The following ITPR2 variants were observed in gnomAD, a reference collection of about 807,000 sequenced individuals.
ITPR2 encodes the protein inositol 1,4,5-trisphosphate-gated calcium channel ITPR2.
Under a neutral mutation model 317.1 loss-of-function variants are expected in ITPR2, and 207 were observed. That is an observed-to-expected ratio of 0.65 (90% confidence interval 0.58 to 0.73). The LOEUF is 0.73. ITPR2 is among the 30% of genes least tolerant of loss of function. The pLI, the probability that ITPR2 is intolerant of heterozygous loss-of-function variation, is 0.00. For missense variants in ITPR2, 2,613 were observed against 3,284.0 expected, an observed-to-expected ratio of 0.80 and a Z score of 4.99; for synonymous variants, 1,156 against 1,149.1, an observed-to-expected ratio of 1.01 and a Z score of -0.12.
intron 55 of ITPR2, among the ~76,000 whole-genome samples, chr12:26,383,544 C>T (rs565738914): frequency 5.3e-5 from 8 of 151,864 alleles, no homozygotes; most frequent in South Asian, 2.1e-4. Flanking sequence ...AGGGCAGTGG[C>T]GTGATCTCGG....
At chr12:26,819,794 T>C (rs1020571324) in intron 1 of ITPR2, among the ~76,000 whole-genome samples, 2 of 150,726 alleles carry the variant, frequency 1.3e-5, no homozygotes, top group Non-Finnish European at 3.0e-5. Flanking sequence ...AAGTCAGGTG[T>C]GGTAGCTCAC....
chr12:26,768,282 G>A (rs865871020), intron 2 of ITPR2, among the ~76,000 whole-genome samples: 1 of 131,174 alleles, frequency 7.6e-6, no homozygotes. Flanking sequence ...GGGGAAGGGG[G>A]AGGGATAGCA....
intron 55 of ITPR2, among the ~76,000 whole-genome samples, chr12:26,348,857 G>A (rs1314764432): frequency 6.6e-6 from 1 of 151,968 alleles, no homozygotes; most frequent in Non-Finnish European, 1.5e-5. Context: ...GTGTGGTGGT[G>A]CACACCTATA....
At chr12:26,576,540 G>A (rs1437602588) in intron 34 of ITPR2, among the ~76,000 whole-genome samples, 5 of 152,196 alleles carry the variant, frequency 3.3e-5, no homozygotes, top group Non-Finnish European at 2.9e-5. Flanking sequence ...TGGGTAAGAT[G>A]TGCAAAAGAG....
chr12:26,620,593 TA>T (rs1223254427), intron 26 of ITPR2, among the ~76,000 whole-genome samples: 1 of 152,206 alleles, frequency 6.6e-6, no homozygotes, highest in African/African-American at 2.4e-5. Flanking sequence ...AAACAGCAAC[TA>T]ATTAACACAC....
At chr12:26,442,385 C>T (rs1315167976) in intron 46 of ITPR2, among the ~76,000 whole-genome samples, 4 of 152,112 alleles carry the variant, frequency 2.6e-5, no homozygotes, top group African/African-American at 9.7e-5. Context: ...GCTCAGTAAA[C>T]ATGTACTGAA....
chr12:26,650,546 GATAA>G lies in ITPR2; in HGVS notation c.2740+3426_2740+3429del, dbSNP rs140519904. Among the ~76,000 whole-genome samples, 1,498 of 152,136 alleles carry G rather than the reference GATAA, an allele frequency of 9.8e-3. 16 individuals carry two copies. The highest frequency in any genetic ancestry group is 0.041 in the Middle Eastern group (12 of 294). On this transcript the variant is annotated intron_variant, in intron 21 of 56. Transcript: ENST00000381340. ...ACGCTATGCATGTTGGGGGGCAGGT[GATAA>G]ATAAAAAATCTCTGTATCTTCCTCT...
chr12:26,629,117 A>C (rs1484635874), intron 22 of ITPR2, among the ~76,000 whole-genome samples: 1 of 152,098 alleles, frequency 6.6e-6, no homozygotes, highest in African/African-American at 2.4e-5. Context: ...ATCTAACTTC[A>C]TCTCTATCTA....
chr12:26,711,342 T>C, intron 8 of ITPR2, 74 bp from the exon 9 acceptor site: 1 of 976,794 alleles, frequency 1.0e-6, no homozygotes, highest in East Asian at 2.4e-5. Flanking sequence ...ACAGTTTACA[T>C]GCCTGCCCTC....
Position 26,805,345 on chromosome 12 carries a change from A to G in ITPR2, c.93-15118T>C, listed in dbSNP as rs530830061. 5.9e-5 allele frequency among the ~76,000 whole-genome samples: 9 copies of G among 152,336 alleles called. No homozygotes were observed. The East Asian group carries it at 9.7e-4, about 16-fold the overall frequency. On this transcript the variant is annotated intron_variant, in intron 1 of 56. Transcript: ENST00000381340. ...AATGCTCAGTACAAAGTTATATGCAATAAAGGTTAGCCATCATTATCATCA... is the reference window on the plus strand; with the variant it reads ...AATGCTCAGTACAAAGTTATATGCAGTAAAGGTTAGCCATCATTATCATCA...
At chr12:26,762,736 C>T (rs555744422) in intron 2 of ITPR2, among the ~76,000 whole-genome samples, 78 of 151,920 alleles carry the variant, frequency 5.1e-4, no homozygotes, top group Admixed American at 4.5e-3. Context: ...AAGACAAAAG[C>T]ATTAAAAATA....
In ITPR2 at chr12:26,471,756, G is replaced by C. The variant is rs1375839745; in HGVS notation, c.6342+3540C>G. The stretch of plus-strand genomic sequence containing the variant: ...AAAGAGGAAGTTGCATCTTGGTTTT[G>C]GAATTACTAAACTGTACAAAGCCAG... On this transcript the variant is annotated intron_variant, in intron 45 of 56. Coordinates refer to ENST00000381340, the MANE Select transcript of ITPR2 (RefSeq NM_002223.4). Among the ~76,000 whole-genome samples, 4 of 152,170 alleles carry C rather than the reference G, an allele frequency of 2.6e-5. No homozygotes were observed. The East Asian group carries it at 7.7e-4, about 29-fold the overall frequency.
chr12:26,494,437 A>C, intron 38 of ITPR2, 97 bp from the exon 39 acceptor site: 1 of 805,258 alleles, frequency 1.2e-6, no homozygotes, highest in Non-Finnish European at 1.8e-6. Context: ...TAATAAAAAT[A>C]TTAATCATTG....
Position 26,650,963 on chromosome 12 carries a change from T to C in ITPR2, c.2740+3013A>G, listed in dbSNP as rs188043713. On this transcript the variant is annotated intron_variant, in intron 21 of 56. Transcript: ENST00000381340. ...TCAATTTACATTAAAGATGCAATAATAGTAAAGAATATTCATATACGCTTT... is the reference window on the plus strand; with the variant it reads ...TCAATTTACATTAAAGATGCAATAACAGTAAAGAATATTCATATACGCTTT... 5.4e-4 allele frequency among the ~76,000 whole-genome samples: 82 copies of C among 152,362 alleles called. 1 individual carries two copies. The highest frequency in any genetic ancestry group is 8.8e-4 in the Non-Finnish European group (60 of 68,026).
At chr12:26,691,708 CA>C (rs1948243945) in intron 10 of ITPR2, among the ~76,000 whole-genome samples, 2 of 152,084 alleles carry the variant, frequency 1.3e-5, no homozygotes, top group Admixed American at 1.3e-4. Context: ...TCTGCTGACT[CA>C]TTTGTGAGTC....
intron 54 of ITPR2, among the ~76,000 whole-genome samples, chr12:26,395,668 T>G (rs961033346): frequency 6.6e-6 from 1 of 152,174 alleles, no homozygotes; most frequent in East Asian, 1.9e-4. Context: ...GAGGGCAGCA[T>G]CATTCTCCTG....
At chr12:26,705,189 A>G (rs1948527645) in intron 9 of ITPR2, among the ~76,000 whole-genome samples, 1 of 152,148 alleles carries the variant, frequency 6.6e-6, no homozygotes, top group Non-Finnish European at 1.5e-5. Flanking sequence ...CAGTGCTATG[A>G]AAACTCAGTC....
intron 2 of ITPR2, among the ~76,000 whole-genome samples, chr12:26,748,790 A>C (rs910420108): frequency 1.3e-5 from 2 of 152,220 alleles, no homozygotes; most frequent in African/African-American, 4.8e-5. Context: ...AGAGACTGGG[A>C]GAGTTAGAAG....
At chr12:26,626,346 G>A (rs11048624) in intron 23 of ITPR2, among the ~76,000 whole-genome samples, 16,381 of 152,260 alleles carry the variant, frequency 0.11, 919 homozygotes, top group Non-Finnish European at 0.13. Flanking sequence ...AGATATAAAA[G>A]TGGAAAAATA....
Sources: gnomAD v4.1 joint callset for allele counts (sites outside exome capture counted in the v4.1 genomes callset) on GRCh38, gnomAD v4.1.1 for gene constraint, MANE v1.5 for transcripts, NCBI Gene and HGNC (gene_info 2026-07-23, HGNC 2026-07-21) for gene names.